DLG2: variants seen among roughly 807,000 people sequenced by gnomAD.
DLG2 encodes the protein discs large MAGUK scaffold protein 2, also known as disks large homolog 2.
In DLG2, 45 loss-of-function variants were observed where a neutral mutation model predicts 132.5. That is an observed-to-expected ratio of 0.34 (90% CI 0.27 to 0.44). DLG2 has a LOEUF of 0.44. Ranked by LOEUF, DLG2 falls within the 20% of genes least tolerant of loss-of-function variation. The probability of loss-of-function intolerance (pLI) is 1.00; values close to 1 mark genes in which losing one functional copy is unlikely to be tolerated. For synonymous variants in DLG2, 424 were observed against 419.6 expected, an observed-to-expected ratio of 1.01 and a Z score of -0.13; for missense variants, 1,045 against 1,196.9, an observed-to-expected ratio of 0.87 and a Z score of 1.87.
At chr11:84,741,053 G>GCC (rs1565838981) in intron 6 of DLG2, among the ~76,000 whole-genome samples, 9 of 131,392 alleles carry the variant, frequency 6.8e-5, no homozygotes, top group African/African-American at 2.4e-4. Context: ...GTGTGCCTAT[G>GCC]CTCTTTTTTT....
intron 3 of DLG2, among the ~76,000 whole-genome samples, chr11:85,446,269 T>C (rs1305996769): frequency 2.0e-5 from 3 of 152,324 alleles, no homozygotes; most frequent in South Asian, 4.1e-4. Flanking sequence ...TACAATCTAA[T>C]CATGTTGAAA....
At chr11:85,119,433 A>G (rs2074047952) in intron 5 of DLG2, among the ~76,000 whole-genome samples, 1 of 152,094 alleles carries the variant, frequency 6.6e-6, no homozygotes, top group Non-Finnish European at 1.5e-5. Context: ...ACTAAATACA[A>G]GATTTAAAAG....
At chr11:84,324,316 C>T (rs776315278) in intron 7 of DLG2, among the ~76,000 whole-genome samples, 56 of 152,046 alleles carry the variant, frequency 3.7e-4, no homozygotes, top group Non-Finnish European at 7.4e-4. Flanking sequence ...ACTCTTCTTT[C>T]CCCATGTGTA....
chr11:83,682,065 C>T (rs1253089250), intron 18 of DLG2: 4 of 899,450 alleles, frequency 4.4e-6, no homozygotes, highest in South Asian at 5.1e-5. Context: ...AACACTGACA[C>T]ACACTTCTGA....
At chr11:83,776,987 C>T (rs1405940757) in intron 18 of DLG2, among the ~76,000 whole-genome samples, 8 of 152,060 alleles carry the variant, frequency 5.3e-5, no homozygotes, top group Non-Finnish European at 8.8e-5. Context: ...TTGTATAATT[C>T]GTTAGTGTGA....
intron 16 of DLG2, among the ~76,000 whole-genome samples, chr11:83,847,882 C>T (rs7945844): frequency 0.023 from 3,448 of 152,294 alleles, 138 homozygotes; most frequent in African/African-American, 0.072. Context: ...ACATTATAAA[C>T]GTTCCTCTCT....
chr11:85,189,245 G>T (rs528027139), intron 4 of DLG2, among the ~76,000 whole-genome samples: 2 of 151,970 alleles, frequency 1.3e-5, no homozygotes, highest in Admixed American at 1.3e-4. Context: ...ACCTCCTCGG[G>T]AAAATTATTC....
chr11:85,477,577 C>T (rs1045131329), intron 3 of DLG2, among the ~76,000 whole-genome samples: 1 of 152,204 alleles, frequency 6.6e-6, no homozygotes, highest in Non-Finnish European at 1.5e-5. Flanking sequence ...GCTAGTGTTT[C>T]TGAGTTACTT....
chr11:84,413,676 G>A (rs934815783), intron 7 of DLG2, among the ~76,000 whole-genome samples: 2 of 152,128 alleles, frequency 1.3e-5, no homozygotes, highest in Non-Finnish European at 2.9e-5. Context: ...TCAGTCACAG[G>A]TTCTCAGAAC....
At chr11:83,611,270 G>C (rs1454968508) in intron 19 of DLG2, among the ~76,000 whole-genome samples, 1 of 152,098 alleles carries the variant, frequency 6.6e-6, no homozygotes, top group African/African-American at 2.4e-5. Flanking sequence ...TTTAATGCAT[G>C]TATATTGAGA....
At chr11:85,154,218 T>C (rs1371522111) in intron 5 of DLG2, among the ~76,000 whole-genome samples, 1 of 151,724 alleles carries the variant, frequency 6.6e-6, no homozygotes, top group African/African-American at 2.4e-5. Context: ...TAGTATTTTA[T>C]TACTGTCTCA....
intron 3 of DLG2, among the ~76,000 whole-genome samples, chr11:85,298,414 A>G (rs2079377790): frequency 6.6e-6 from 1 of 152,166 alleles, no homozygotes; most frequent in African/African-American, 2.4e-5. Context: ...AGTGAACATC[A>G]TAAGTAAATG....
intron 6 of DLG2, among the ~76,000 whole-genome samples, chr11:84,589,072 A>G (rs1323337893): frequency 6.6e-6 from 1 of 152,148 alleles, no homozygotes; most frequent in Non-Finnish European, 1.5e-5. Context: ...TAACACTTTC[A>G]AAGTACTATT....
chr11:84,966,570 T>G (rs17147845), intron 6 of DLG2, among the ~76,000 whole-genome samples: 5,085 of 152,208 alleles, frequency 0.033, 115 homozygotes, highest in African/African-American at 0.051. Flanking sequence ...GGCTCTGGCA[T>G]AGTCTTGGCA....
chr11:85,107,832 A>G (rs1466340966), intron 6 of DLG2, among the ~76,000 whole-genome samples: 1 of 146,318 alleles, frequency 6.8e-6, no homozygotes, highest in African/African-American at 2.5e-5. Context: ...AAGTTTAATT[A>G]TGTCCATGTT....
rs530238443 is a variant in DLG2, at chr11:84,034,504, T to C, written c.919+24811A>G. On this transcript the variant is annotated intron_variant, in intron 11 of 27. Transcript: ENST00000376104. Reference sequence around the variant, plus strand: ...TTTCAAAAATTTTGAAGCTTTTCCTTGAATATCCCACATAATATATCATAC... The same window carrying C: ...TTTCAAAAATTTTGAAGCTTTTCCTCGAATATCCCACATAATATATCATAC... 7.2e-5 allele frequency among the ~76,000 whole-genome samples: 11 copies of C among 152,280 alleles called. No homozygotes were observed. The East Asian group carries it at 1.9e-3, about 27-fold the overall frequency.
At chr11:84,417,509 C>T (rs2098933900) in intron 7 of DLG2, among the ~76,000 whole-genome samples, 1 of 152,130 alleles carries the variant, frequency 6.6e-6, no homozygotes, top group African/African-American at 2.4e-5. Context: ...TTTCCTTTCT[C>T]CCCAGTACAA....
chr11:83,818,467 C>A (rs761238974), intron 17 of DLG2, among the ~76,000 whole-genome samples: 1 of 152,068 alleles, frequency 6.6e-6, no homozygotes, highest in Non-Finnish European at 1.5e-5. Flanking sequence ...TAGTATAATT[C>A]GGGGTGGACC....
intron 6 of DLG2, among the ~76,000 whole-genome samples, chr11:84,696,521 C>A (rs1332860924): frequency 6.6e-6 from 1 of 151,158 alleles, no homozygotes; most frequent in Admixed American, 6.6e-5. Flanking sequence ...TAGCTAAGTT[C>A]GAAAGGTGAG....
Sources: gnomAD v4.1 joint callset for allele counts (sites outside exome capture counted in the v4.1 genomes callset) on GRCh38, gnomAD v4.1.1 for gene constraint, MANE v1.5 for transcripts, NCBI Gene and HGNC (gene_info 2026-07-23, HGNC 2026-07-21) for gene names.